The following CTNNA2 variants were observed in gnomAD, a reference collection of about 807,000 sequenced individuals.
CTNNA2 encodes catenin alpha-2.
A neutral mutation model predicts 101.0 loss-of-function variants in CTNNA2; 42 were observed. The observed-to-expected ratio is 0.42, with a 90% confidence interval of 0.32 to 0.54. The LOEUF (loss-of-function observed/expected upper bound fraction) is 0.54, where lower values mean the gene tolerates loss of function less well. Among genes scored for constraint, CTNNA2 ranks in the 20% least tolerant of loss-of-function variants. CTNNA2 has a pLI of 0.14. For synonymous variants in CTNNA2, 450 were observed against 456.4 expected, an observed-to-expected ratio of 0.99 and a Z score of 0.18; for missense variants, 871 against 1,223.1, an observed-to-expected ratio of 0.71 and a Z score of 4.29.
In CTNNA2 at chr2:80,272,587, T is replaced by A. The variant is rs951582079; in HGVS notation, c.1057-120624T>A. Among the ~76,000 whole-genome samples the A allele has an allele frequency of 3.3e-5, 5 of 152,274 alleles. No individual in the cohort carries two copies. In the East Asian group the frequency reaches 9.6e-4, roughly 29 times the overall value. On this transcript the variant is annotated intron_variant, in intron 7 of 18. Transcript: ENST00000402739. Reference sequence around the variant, plus strand: ...CTACATTCTCTCTCTTCTCCCCTACTTTTTTATGCCCCTTCTTCATCTCTA... The same window carrying A: ...CTACATTCTCTCTCTTCTCCCCTACATTTTTATGCCCCTTCTTCATCTCTA...
intron 2 of CTNNA2, among the ~76,000 whole-genome samples, chr2:79,305,344 A>G (rs1452582327): frequency 6.9e-6 from 1 of 144,980 alleles, no homozygotes; most frequent in African/African-American, 2.6e-5. Flanking sequence ...ACATATATAC[A>G]TACATATACA....
chr2:80,380,414 C>A (rs1214738143), intron 7 of CTNNA2, among the ~76,000 whole-genome samples: 1 of 152,092 alleles, frequency 6.6e-6, no homozygotes, highest in Non-Finnish European at 1.5e-5. Flanking sequence ...AAACTCTCAG[C>A]CTCCCGCAAG....
intron 7 of CTNNA2, among the ~76,000 whole-genome samples, chr2:80,137,646 A>G (rs1702768107): frequency 6.6e-6 from 1 of 152,154 alleles, no homozygotes; most frequent in Non-Finnish European, 1.5e-5. Context: ...AGAATAAGTT[A>G]GGAGCTTGGA....
chr2:80,228,335 G>A (rs966313153), intron 7 of CTNNA2, among the ~76,000 whole-genome samples: 1 of 152,132 alleles, frequency 6.6e-6, no homozygotes, highest in Admixed American at 6.6e-5. Flanking sequence ...GTGTCTTCTG[G>A]CTGTGTTTTC....
At chr2:80,154,025 T>C (rs893411040) in intron 7 of CTNNA2, among the ~76,000 whole-genome samples, 5 of 152,202 alleles carry the variant, frequency 3.3e-5, no homozygotes, top group Non-Finnish European at 2.9e-5. Context: ...GTCTGTCCCA[T>C]AGACTTGTTA....
chr2:80,484,618 C>G (rs911414852), intron 9 of CTNNA2, among the ~76,000 whole-genome samples: 4 of 152,098 alleles, frequency 2.6e-5, no homozygotes, highest in Admixed American at 6.6e-5. Flanking sequence ...TGTAGGACAG[C>G]TATCATTGTT....
At chr2:80,346,789 G>C (rs1672774755) in intron 7 of CTNNA2, among the ~76,000 whole-genome samples, 1 of 152,122 alleles carries the variant, frequency 6.6e-6, no homozygotes, top group Non-Finnish European at 1.5e-5. Context: ...TAAATGTCCA[G>C]GAATGAAATT....
intron 9 of CTNNA2, among the ~76,000 whole-genome samples, chr2:80,455,443 T>C (rs140764591): frequency 1.9e-4 from 29 of 152,282 alleles, no homozygotes; most frequent in Middle Eastern, 3.4e-3. Context: ...CAAGATTCTT[T>C]TTGTTTCTTT....
At chr2:80,565,721 G>A (rs1239190207) in intron 12 of CTNNA2, among the ~76,000 whole-genome samples, 1 of 152,052 alleles carries the variant, frequency 6.6e-6, no homozygotes, top group African/African-American at 2.4e-5. Context: ...CATCCTACTT[G>A]TTTGTAAGTG....
chr2:80,068,676 A>G (rs1698132341), intron 7 of CTNNA2, among the ~76,000 whole-genome samples: 1 of 152,168 alleles, frequency 6.6e-6, no homozygotes, highest in Non-Finnish European at 1.5e-5. Context: ...TTCTCTTAAT[A>G]ACTTGAGAGT....
intron 7 of CTNNA2, among the ~76,000 whole-genome samples, chr2:80,334,558 C>G (rs1308611948): frequency 6.6e-6 from 1 of 152,054 alleles, no homozygotes; most frequent in Non-Finnish European, 1.5e-5. Flanking sequence ...CCAGGCAAAC[C>G]AAGATATAAA....
intron 4 of CTNNA2, among the ~76,000 whole-genome samples, chr2:79,421,086 A>C (rs991211041): frequency 2.0e-5 from 3 of 152,172 alleles, no homozygotes; most frequent in Non-Finnish European, 4.4e-5. Flanking sequence ...TCCCTTCCTT[A>C]TCCCCTCCAC....
At chr2:80,521,739 C>T (rs1034182027) in intron 9 of CTNNA2, among the ~76,000 whole-genome samples, 3 of 152,162 alleles carry the variant, frequency 2.0e-5, no homozygotes, top group Non-Finnish European at 4.4e-5. Flanking sequence ...TATAGCACTG[C>T]TGACACCTTG....
At chr2:80,373,000 G>C (rs1394593277) in intron 7 of CTNNA2, among the ~76,000 whole-genome samples, 1 of 152,188 alleles carries the variant, frequency 6.6e-6, no homozygotes, top group Non-Finnish European at 1.5e-5. Flanking sequence ...AATGTCAATA[G>C]TGCTGACATT....
chr2:80,298,036 A>T (rs903405030), intron 7 of CTNNA2: 9 of 150,560 alleles, frequency 6.0e-5, no homozygotes, highest in African/African-American at 1.7e-4. Flanking sequence ...TATATTATAT[A>T]TTATATATAT....
At chr2:80,536,265 T>C (rs1009557942) in intron 9 of CTNNA2, among the ~76,000 whole-genome samples, 9 of 152,128 alleles carry the variant, frequency 5.9e-5, no homozygotes, top group Admixed American at 2.0e-4. Flanking sequence ...TAGAGAAAAA[T>C]GTTTTGCGTG....
rs1431513601 is a variant in CTNNA2 at position 79,823,483 on chromosome 2, A to T, written c.299-34530A>T. 2.6e-5 allele frequency among the ~76,000 whole-genome samples: 4 copies of T among 152,144 alleles called. No homozygotes were observed. In the East Asian group the frequency reaches 7.7e-4, roughly 29 times the overall value. The stretch of plus-strand genomic sequence containing the variant: ...CAGTGAGCTGAGATCGCATCACTGC[A>T]CTGCAGCCTGGGTCACAGAGTGAGA... On this transcript the variant is annotated intron_variant, in intron 3 of 18. Transcript: ENST00000402739.
intron 7 of CTNNA2, among the ~76,000 whole-genome samples, chr2:80,099,752 C>CT (rs1700421855): frequency 1.7e-5 from 1 of 59,614 alleles, no homozygotes; most frequent in Non-Finnish European, 3.7e-5. Context: ...TTACTCTTTC[C>CT]TTCAAAAAAA....
intron 1 of CTNNA2, among the ~76,000 whole-genome samples, chr2:79,584,446 T>C (rs1032768068): frequency 6.6e-6 from 1 of 152,134 alleles, no homozygotes; most frequent in Non-Finnish European, 1.5e-5. Flanking sequence ...CAGTCAATTT[T>C]AGTGATTCTT....
Sources: allele counts gnomAD v4.1 joint callset (sites outside exome capture counted in the v4.1 genomes callset), GRCh38; gene constraint gnomAD v4.1.1; transcripts MANE v1.5; gene names NCBI Gene and HGNC (gene_info 2026-07-23, HGNC 2026-07-21).